The following CTNNAL1 variants were observed in gnomAD, a reference collection of about 807,000 sequenced individuals.
The protein encoded by CTNNAL1 is catenin alpha like 1.
In CTNNAL1, 69 loss-of-function variants were observed where a neutral mutation model predicts 93.6. The ratio of observed to expected loss-of-function variants is 0.74; its 90% CI spans 0.61 to 0.90. The LOEUF (loss-of-function observed/expected upper bound fraction) is 0.90, where lower values mean the gene tolerates loss of function less well. Among genes scored for constraint, CTNNAL1 ranks in the 40% least tolerant of loss-of-function variants. The pLI is 0.00. For synonymous variants in CTNNAL1, 286 were observed against 305.4 expected, an observed-to-expected ratio of 0.94 and a Z score of 0.66; for missense variants, 836 against 862.0, an observed-to-expected ratio of 0.97 and a Z score of 0.38.
chr9:109,013,223 G>C, intron 1 of CTNNAL1, 79 bp downstream of exon 1: 1 of 1,386,578 alleles, frequency 7.2e-7, no homozygotes, highest in African/African-American at 1.5e-5. Flanking sequence ...GCTGCCTCCC[G>C]TCCGGTCGTG....
chr9:108,950,434 T>C (rs1830527547), intron 14 of CTNNAL1: 3 of 1,476,302 alleles, frequency 2.0e-6, no homozygotes, highest in African/African-American at 1.4e-5. Flanking sequence ...GAAAATATGA[T>C]AAGGTACTGA....
intron 3 of CTNNAL1, chr9:108,992,146 T>C (rs1422901501): frequency 7.3e-6 from 5 of 686,902 alleles, no homozygotes; most frequent in Non-Finnish European, 1.3e-5. Context: ...ATTATCATAG[T>C]GCTCACCTTT....
chr9:108,949,112 T>C (rs1226826210), intron 14 of CTNNAL1, among the ~76,000 whole-genome samples: 2 of 152,168 alleles, frequency 1.3e-5, no homozygotes, highest in Non-Finnish European at 2.9e-5. Flanking sequence ...ATATAAATTA[T>C]TAAGACAACC....
Position 108,994,416 on chromosome 9 carries a change from C to G in CTNNAL1, c.332-1597G>C, listed in dbSNP as rs141448073. Among the ~76,000 whole-genome samples the G allele has an allele frequency of 3.0e-3, 453 of 151,976 alleles. 1 individual carries two copies. Among genetic ancestry groups the G allele is most frequent in the Middle Eastern group, 0.017 (5 of 292 alleles). On this transcript the variant is annotated intron_variant, in intron 2 of 18. Transcript: ENST00000325551. ...AAGAAAACACAAAATTAGTACCTGACCAATGATAAGAAGGAAAGAACGAGT... is the reference window on the plus strand; with the variant it reads ...AAGAAAACACAAAATTAGTACCTGAGCAATGATAAGAAGGAAAGAACGAGT...
At chr9:108,964,419 T>C (rs1035694591) in intron 11 of CTNNAL1, among the ~76,000 whole-genome samples, 1 of 152,060 alleles carries the variant, frequency 6.6e-6, no homozygotes, top group Admixed American at 6.6e-5. Context: ...ACAGAAGCCA[T>C]TTGAAGAGAA....
At chr9:108,993,877 G>C (rs1186052365) in intron 2 of CTNNAL1, among the ~76,000 whole-genome samples, 1 of 152,222 alleles carries the variant, frequency 6.6e-6, no homozygotes, top group Non-Finnish European at 1.5e-5. Flanking sequence ...AGGATCTTGA[G>C]TAAAAAGTAC....
intron 7 of CTNNAL1, chr9:108,977,495 T>G (rs1831299205): frequency 6.6e-6 from 1 of 152,326 alleles, no homozygotes; most frequent in African/African-American, 2.4e-5. Flanking sequence ...TCAATCTAAA[T>G]CAGACCCTCT....
chr9:108,950,740 C>A, intron 14 of CTNNAL1: 1 of 1,052,444 alleles, frequency 9.5e-7, no homozygotes, highest in Non-Finnish European at 1.3e-6. Context: ...AACACATTAA[C>A]CCTTTCTTTT....
chr9:108,982,609 C>G (rs1319997105), intron 6 of CTNNAL1, among the ~76,000 whole-genome samples: 1 of 152,182 alleles, frequency 6.6e-6, no homozygotes, highest in East Asian at 1.9e-4. Context: ...GCCAGAGTAG[C>G]TACTATAACC....
intron 1 of CTNNAL1, among the ~76,000 whole-genome samples, chr9:109,001,941 C>G (rs1826843751): frequency 6.6e-6 from 1 of 152,172 alleles, no homozygotes; most frequent in Non-Finnish European, 1.5e-5. Context: ...GTGCCTGGAT[C>G]TGGGGTGAGG....
intron 6 of CTNNAL1, 38 bp from the exon 7 acceptor site, chr9:108,979,519 C>A: frequency 6.3e-7 from 1 of 1,598,260 alleles, no homozygotes; most frequent in South Asian, 1.1e-5. Context: ...CCATGTGAGT[C>A]AATATTCCCA....
intron 7 of CTNNAL1, 177 bp from the exon 8 acceptor site, chr9:108,977,225 A>C: frequency 2.7e-6 from 1 of 369,016 alleles, no homozygotes. Context: ...CAGTTTAGTT[A>C]TATTTTTCAA....
intron 2 of CTNNAL1, among the ~76,000 whole-genome samples, chr9:108,998,272 C>T (rs1454288571): frequency 6.6e-6 from 1 of 152,104 alleles, no homozygotes; most frequent in East Asian, 1.9e-4. Context: ...CTACAATGTA[C>T]AGGTCAACCT....
chr9:108,981,651 G>A (rs776531097), intron 6 of CTNNAL1, among the ~76,000 whole-genome samples: 7 of 152,158 alleles, frequency 4.6e-5, no homozygotes, highest in East Asian at 1.9e-4. Context: ...AGGGCCAGGC[G>A]TGGTGGTTCA....
At chr9:108,972,536 A>G in intron 9 of CTNNAL1, 139 bp downstream of exon 9, 1 of 730,968 alleles carries the variant, frequency 1.4e-6, no homozygotes, top group East Asian at 2.6e-5. Context: ...GAACAGATAC[A>G]TGGTATGCTT....
intron 8 of CTNNAL1, 31 bp from the exon 9 acceptor site, chr9:108,972,864 G>GGGGGGCGCCCCCCCCCCCCC: frequency 7.0e-6 from 1 of 142,580 alleles, no homozygotes. Context: ...GGGGGGGTGG[G>GGGGGGCGCCCCCCCCCCCCC]AGGGTGGAGA....
intron 11 of CTNNAL1, among the ~76,000 whole-genome samples, chr9:108,958,502 C>T (rs1830741456): frequency 6.6e-6 from 1 of 152,156 alleles, no homozygotes; most frequent in African/African-American, 2.4e-5. Flanking sequence ...TAGTTAGACT[C>T]TGCATGATTT....
chr9:108,951,638 T>C (rs1430141941), intron 14 of CTNNAL1, among the ~76,000 whole-genome samples: 5 of 152,200 alleles, frequency 3.3e-5, no homozygotes, highest in Admixed American at 3.3e-4. Context: ...TATAAATTAC[T>C]AAAATGGAAG....
chr9:108,974,145 G>A (rs1831194817), intron 8 of CTNNAL1, among the ~76,000 whole-genome samples: 3 of 152,156 alleles, frequency 2.0e-5, no homozygotes, highest in African/African-American at 7.2e-5. Context: ...GCAACGTCCT[G>A]ACAGCAGCCT....
Sources: allele counts gnomAD v4.1 joint callset (sites outside exome capture counted in the v4.1 genomes callset), GRCh38; gene constraint gnomAD v4.1.1; transcripts MANE v1.5; gene names NCBI Gene and HGNC (gene_info 2026-07-23, HGNC 2026-07-21).